The following MAMDC2 variants were observed in gnomAD, a reference collection of about 807,000 sequenced individuals.
The protein encoded by MAMDC2 is MAM domain-containing protein 2.
A neutral mutation model predicts 89.8 loss-of-function variants in MAMDC2; 57 were observed. The observed-to-expected ratio is 0.63, with a 90% CI of 0.51 to 0.79. The LOEUF (loss-of-function observed/expected upper bound fraction) is 0.79. Among genes scored for constraint, MAMDC2 ranks in the 30% least tolerant of loss-of-function variants. MAMDC2 has a pLI of 0.00. For synonymous variants in MAMDC2, 313 were observed against 293.4 expected, an observed-to-expected ratio of 1.07 and a Z score of -0.68; for missense variants, 800 against 820.6, an observed-to-expected ratio of 0.97 and a Z score of 0.31.
intron 11 of MAMDC2, among the ~76,000 whole-genome samples, chr9:70,190,251 GT>G (rs1389354388): frequency 6.6e-6 from 1 of 151,990 alleles, no homozygotes; most frequent in Non-Finnish European, 1.5e-5. Flanking sequence ...GCTGTTTGTT[GT>G]TTTTGTTTTT....
At chr9:70,066,527 G>A (rs1827269919) in intron 2 of MAMDC2, among the ~76,000 whole-genome samples, 1 of 152,112 alleles carries the variant, frequency 6.6e-6, no homozygotes, top group African/African-American at 2.4e-5. Flanking sequence ...AGGTAGGGGG[G>A]CAGCTAGAGG....
At chr9:70,200,467 G>C (rs1378365542) in intron 11 of MAMDC2, among the ~76,000 whole-genome samples, 1 of 151,538 alleles carries the variant, frequency 6.6e-6, no homozygotes, top group African/African-American at 2.4e-5. Flanking sequence ...TTGTAGTATA[G>C]TTTGAAGTCA....
intron 2 of MAMDC2, among the ~76,000 whole-genome samples, chr9:70,095,646 T>C (rs1391489352): frequency 6.6e-6 from 1 of 152,072 alleles, no homozygotes; most frequent in Non-Finnish European, 1.5e-5. Flanking sequence ...AACAGAAAGA[T>C]ACATGAGTCT....
At chr9:70,151,142 G>C (rs2118449110) in intron 9 of MAMDC2, among the ~76,000 whole-genome samples, 1 of 152,270 alleles carries the variant, frequency 6.6e-6, no homozygotes, top group Middle Eastern at 3.4e-3. Context: ...GGTGCCTCCT[G>C]CCCTAGCCAT....
intron 2 of MAMDC2, among the ~76,000 whole-genome samples, chr9:70,058,304 T>C (rs1324115444): frequency 6.6e-6 from 1 of 152,174 alleles, no homozygotes; most frequent in African/African-American, 2.4e-5. Flanking sequence ...AGCAAGTTAT[T>C]GGTGGAGCCT....
At chr9:70,053,336 C>T (rs910964382) in intron 2 of MAMDC2, among the ~76,000 whole-genome samples, 12 of 152,176 alleles carry the variant, frequency 7.9e-5, no homozygotes, top group African/African-American at 2.9e-4. Flanking sequence ...AATTTCATTG[C>T]ATCATGAATA....
At chr9:70,106,749 C>A (rs1239840459) in intron 2 of MAMDC2, among the ~76,000 whole-genome samples, 1 of 152,110 alleles carries the variant, frequency 6.6e-6, no homozygotes, top group African/African-American at 2.4e-5. Flanking sequence ...ACCCAGTGGG[C>A]GGTTGCTATG....
intron 7 of MAMDC2, 37 bp downstream of exon 7, chr9:70,131,649 T>C: frequency 2.0e-6 from 3 of 1,468,410 alleles, no homozygotes; most frequent in Non-Finnish European, 2.8e-6. Context: ...TTTTGGGATG[T>C]TCCTGTTTCA....
intron 2 of MAMDC2, among the ~76,000 whole-genome samples, chr9:70,072,553 A>T (rs1827432985): frequency 6.6e-6 from 1 of 152,268 alleles, no homozygotes; most frequent in African/African-American, 2.4e-5. Context: ...CCTCACAACA[A>T]ATCTATGAGC....
intron 9 of MAMDC2, chr9:70,153,400 C>A (rs969181670): frequency 6.6e-6 from 1 of 152,120 alleles, no homozygotes; most frequent in Non-Finnish European, 1.5e-5. Context: ...CAAACATTAG[C>A]CCTTATATAT....
At position 70,044,219 on chromosome 9, in the gene MAMDC2, C is replaced by T; in HGVS notation, c.22C>T (p.Leu8=). Residue 8 remains leucine, a synonymous_variant, in exon 1 of 14, where the codon CTG becomes TTG. Transcript: ENST00000377182. MLLRGVL[L]ALQALQLAGA... is the part of the protein sequence containing the mutation. Reference sequence around the variant, plus strand: ...GACCATGCTGTTAAGGGGCGTCCTCCTGGCGTTGCAAGGTAAGGCCTGGAC... The same window carrying T: ...GACCATGCTGTTAAGGGGCGTCCTCTTGGCGTTGCAAGGTAAGGCCTGGAC... 1 of 1,613,470 alleles carries T rather than the reference C, an allele frequency of 6.2e-7. No individual in the cohort carries two copies.
intron 2 of MAMDC2, among the ~76,000 whole-genome samples, chr9:70,062,324 C>A (rs766086422): frequency 6.6e-6 from 1 of 151,996 alleles, no homozygotes; most frequent in Non-Finnish European, 1.5e-5. Context: ...CCATTCCCAG[C>A]CCTCTACCAG....
chr9:70,129,293 C>T (rs2030693384), intron 6 of MAMDC2, among the ~76,000 whole-genome samples: 1 of 152,178 alleles, frequency 6.6e-6, no homozygotes, highest in Admixed American at 6.5e-5. Context: ...CCTGCACAAG[C>T]TCTCTTCTCT....
chr9:70,185,581 C>T lies in MAMDC2; in HGVS notation c.1651+14950C>T, dbSNP rs141565773. Reference sequence around the variant, plus strand: ...GCTGCCTTTCTTTCAGAGATCCTGCCCAGTGAGGAGTGATCTAGGGAGGCA... The same window carrying T: ...GCTGCCTTTCTTTCAGAGATCCTGCTCAGTGAGGAGTGATCTAGGGAGGCA... On this transcript the variant is annotated intron_variant, in intron 11 of 13. Coordinates refer to ENST00000377182, the MANE Select transcript of MAMDC2 (RefSeq NM_153267.5). 3.9e-3 allele frequency among the ~76,000 whole-genome samples: 598 copies of T among 152,278 alleles called. 3 individuals carry two copies. Among genetic ancestry groups the T allele is most frequent in the African/African-American group, 0.013 (553 of 41,556 alleles).
chr9:70,115,578 A>C (rs2029948866), intron 5 of MAMDC2, among the ~76,000 whole-genome samples: 3 of 151,898 alleles, frequency 2.0e-5, no homozygotes, highest in Middle Eastern at 6.8e-3. Flanking sequence ...CTGGTCTCGA[A>C]CTCCTGACCT....
chr9:70,219,238 G>A (rs557089140), intron 12 of MAMDC2, among the ~76,000 whole-genome samples: 1 of 152,226 alleles, frequency 6.6e-6, no homozygotes, highest in South Asian at 2.1e-4. Context: ...TGAACAGCCA[G>A]TCTAGCCTGG....
At chr9:70,225,891 C>A in intron 13 of MAMDC2, 57 bp downstream of exon 13, 1 of 1,479,324 alleles carries the variant, frequency 6.8e-7, no homozygotes, top group Non-Finnish European at 9.4e-7. Context: ...GCGATACTGT[C>A]TCAAACTACA....
rs142922345 is a variant in MAMDC2 at position 70,106,402 on chromosome 9, C to A, written c.149-1809C>A. 5.9e-5 allele frequency among the ~76,000 whole-genome samples: 9 copies of A among 152,324 alleles called. No individual in the cohort carries two copies. The East Asian group carries it at 1.5e-3, about 26-fold the overall frequency. ...CTTCGGAAAAGGTTTGAGGTACTCA[C>A]GTGATCTCCCCCAATCCAGCCTGCT... is the stretch of plus-strand genomic sequence containing the variant. On this transcript the variant is annotated intron_variant, in intron 2 of 13. Transcript: ENST00000377182.
chr9:70,086,216 A>T (rs1206664978), intron 2 of MAMDC2: 1 of 150,632 alleles, frequency 6.6e-6, no homozygotes, highest in Non-Finnish European at 1.5e-5. Flanking sequence ...AAGTTAATAT[A>T]TTTTACTGTA....
Sources: gnomAD v4.1 joint callset for allele counts (sites outside exome capture counted in the v4.1 genomes callset) on GRCh38, gnomAD v4.1.1 for gene constraint, MANE v1.5 for transcripts, NCBI Gene and HGNC (gene_info 2026-07-23, HGNC 2026-07-21) for gene names.